Variants in RIMS1 observed in about 807,000 individuals in gnomAD.
RIMS1 encodes the protein regulating synaptic membrane exocytosis protein 1.
RIMS1 carries 83 observed loss-of-function variants against 214.1 expected under a neutral mutation model. The observed-to-expected ratio is 0.39, with a 90% CI of 0.32 to 0.47. The LOEUF (loss-of-function observed/expected upper bound fraction) is 0.47, where lower values mean the gene tolerates loss of function less well. Among genes scored for constraint, RIMS1 ranks in the 20% least tolerant of loss-of-function variants. The pLI, the probability that RIMS1 is intolerant of heterozygous loss-of-function variation, is 0.99. For synonymous variants in RIMS1, 793 were observed against 786.8 expected, an observed-to-expected ratio of 1.01 and a Z score of -0.13; for missense variants, 2,050 against 2,161.8, an observed-to-expected ratio of 0.95 and a Z score of 1.03.
intron 1 of RIMS1, among the ~76,000 whole-genome samples, chr6:71,938,127 G>A (rs1007830976): frequency 1.3e-5 from 2 of 152,150 alleles, no homozygotes; most frequent in African/African-American, 2.4e-5. Context: ...CAAGTAAGTC[G>A]AAAACCCAAG....
intron 29 of RIMS1, among the ~76,000 whole-genome samples, chr6:72,374,164 C>T (rs2098304896): frequency 2.0e-5 from 3 of 152,294 alleles, no homozygotes; most frequent in South Asian, 2.1e-4. Flanking sequence ...CCGCCCGCCT[C>T]GGCCTCCCAT....
intron 6 of RIMS1, among the ~76,000 whole-genome samples, chr6:72,225,990 C>T (rs546870639): frequency 6.6e-6 from 1 of 152,062 alleles, no homozygotes; most frequent in Non-Finnish European, 1.5e-5. Context: ...AGCATTTTGG[C>T]CATTATCAAT....
At chr6:72,167,738 T>G (rs1338981365) in intron 4 of RIMS1, among the ~76,000 whole-genome samples, 1 of 152,098 alleles carries the variant, frequency 6.6e-6, no homozygotes, top group African/African-American at 2.4e-5. Context: ...TTCATAGTAC[T>G]CTCTTATTTG....
At chr6:72,274,154 A>T (rs1289568515) in intron 22 of RIMS1, among the ~76,000 whole-genome samples, 195 bp from the exon 23 acceptor site, 1 of 152,198 alleles carries the variant, frequency 6.6e-6, no homozygotes, top group Non-Finnish European at 1.5e-5. Flanking sequence ...TTATAAGATT[A>T]TAGGTTTTAT....
At chr6:72,386,199 A>G (rs2098598687) in intron 29 of RIMS1, among the ~76,000 whole-genome samples, 2 of 152,198 alleles carry the variant, frequency 1.3e-5, no homozygotes, top group Admixed American at 1.3e-4. Context: ...ATCCCAACTA[A>G]AATATACAAA....
At chr6:72,351,280 G>A (rs2097438117) in intron 29 of RIMS1, among the ~76,000 whole-genome samples, 1 of 151,924 alleles carries the variant, frequency 6.6e-6, no homozygotes, top group Admixed American at 6.6e-5. Context: ...CCTGAAACCA[G>A]CAATCATTTC....
In RIMS1 at chr6:72,182,676, C is replaced by G; in HGVS notation, c.1205C>G (p.Ala402Gly). Residue 402 changes from alanine to glycine, a missense_variant, in exon 6 of 34, where the codon GCG becomes GGG. By Grantham distance (60) the Ala-to-Gly change is moderately conservative (BLOSUM62 0). Coordinates refer to ENST00000521978, the MANE Select transcript of RIMS1 (RefSeq NM_014989.7). Reference protein sequence around the residue: ...DVALPRTEAGAALPEGKAGKR... With the variant: ...DVALPRTEAGGALPEGKAGKR... ...GCGCTCCCGCGCACCGAGGCGGGCG[C>G]GGCGCTGCCGGAGGGCAAGGCCGGC... The G allele has an allele frequency of 3.5e-6, 5 of 1,441,644 alleles. No homozygotes were observed. The highest frequency in any genetic ancestry group is 4.5e-6 in the Non-Finnish European group (5 of 1,104,534). 89.3% of individuals were successfully genotyped at this position (1,441,644 alleles called of 1,614,324 possible).
At chr6:72,155,143 C>T (rs1486567331) in intron 4 of RIMS1, among the ~76,000 whole-genome samples, 1 of 140,754 alleles carries the variant, frequency 7.1e-6, no homozygotes, top group African/African-American at 2.5e-5. Context: ...CCTAGGCCTC[C>T]AGGCCTGTGA....
At chr6:72,209,573 G>A (rs1233964123) in intron 6 of RIMS1, among the ~76,000 whole-genome samples, 2 of 152,080 alleles carry the variant, frequency 1.3e-5, no homozygotes, top group Non-Finnish European at 2.9e-5. Context: ...ATGTCAGTTG[G>A]ACTTTGTCTT....
intron 1 of RIMS1, among the ~76,000 whole-genome samples, chr6:71,951,753 TC>T (rs1789651038): frequency 6.6e-6 from 1 of 151,378 alleles, no homozygotes; most frequent in African/African-American, 2.4e-5. Flanking sequence ...CTGCCTCAAA[TC>T]CCAGCACTCT....
intron 23 of RIMS1, among the ~76,000 whole-genome samples, chr6:72,280,564 G>T (rs533621679): frequency 6.6e-6 from 1 of 152,006 alleles, no homozygotes; most frequent in South Asian, 2.1e-4. Context: ...ATTCTTTTAA[G>T]GGGTTAGAAG....
At position 72,400,682 on chromosome 6, in the gene RIMS1, A is replaced by G. The variant is rs753111586; in HGVS notation, c.5047A>G (p.Ser1683Gly). Residue 1683 changes from serine to glycine, a missense_variant, in exon 34 of 34, where the codon AGT becomes GGT. By Grantham distance (56) the Ser-to-Gly change is moderately conservative. Coordinates refer to ENST00000521978, the MANE Select transcript of RIMS1 (RefSeq NM_014989.7). ...TRRASQSSLE[S>G]STGPPCIRS is the part of the protein sequence containing the mutation. ...GCGGGCTTCCCAGTCATCTCTGGAA[A>G]GTTCAACTGGGCCTCCCTGTATTCG... 5 of 1,613,712 alleles carry G rather than the reference A, an allele frequency of 3.1e-6. No individual in the cohort carries two copies. The South Asian group carries it at 4.4e-5, about 14-fold the overall frequency.
At chr6:72,286,870 G>C (rs1042093339) in intron 24 of RIMS1, among the ~76,000 whole-genome samples, 2 of 152,076 alleles carry the variant, frequency 1.3e-5, no homozygotes, top group African/African-American at 4.8e-5. Context: ...GCCTTTTATT[G>C]CCCTCAACAA....
chr6:71,937,320 G>T (rs1372726759), intron 1 of RIMS1, among the ~76,000 whole-genome samples: 2 of 152,094 alleles, frequency 1.3e-5, no homozygotes, highest in Non-Finnish European at 2.9e-5. Flanking sequence ...GAGTGCACTG[G>T]TGCAATCACA....
At chr6:72,008,305 A>C (rs9446538) in intron 2 of RIMS1, among the ~76,000 whole-genome samples, 2,568 of 152,286 alleles carry the variant, frequency 0.017, 74 homozygotes, top group African/African-American at 0.048. Flanking sequence ...GCCTGCCTTA[A>C]AAGAGCTCCT....
chr6:72,216,625 C>A (rs1316430694), intron 6 of RIMS1: 3 of 985,446 alleles, frequency 3.0e-6, no homozygotes, highest in African/African-American at 1.7e-5. Context: ...GATAATGGGA[C>A]CAAATCATTT....
chr6:72,320,358 A>C (rs957096747), intron 28 of RIMS1, among the ~76,000 whole-genome samples: 2 of 152,192 alleles, frequency 1.3e-5, no homozygotes, highest in African/African-American at 4.8e-5. Context: ...GTATTTGTTT[A>C]GTACAACAGA....
intron 1 of RIMS1, among the ~76,000 whole-genome samples, chr6:71,965,367 A>G (rs565521054): frequency 6.6e-6 from 1 of 152,274 alleles, no homozygotes; most frequent in Non-Finnish European, 1.5e-5. Flanking sequence ...GAGAGAAAGT[A>G]ATTATGTAAA....
intron 1 of RIMS1, among the ~76,000 whole-genome samples, chr6:71,904,556 A>G (rs555190683): frequency 2.1e-4 from 32 of 152,104 alleles, no homozygotes; most frequent in Non-Finnish European, 3.5e-4. Context: ...CTGGAGGAGT[A>G]AGACCCCAGC....
Sources: gnomAD v4.1 joint callset for allele counts (sites outside exome capture counted in the v4.1 genomes callset) on GRCh38, gnomAD v4.1.1 for gene constraint, MANE v1.5 for transcripts, NCBI Gene and HGNC (gene_info 2026-07-23, HGNC 2026-07-21) for gene names.